Variants in MSH3 observed in about 807,000 individuals in gnomAD.
MSH3 encodes mutS homolog 3, also known as DNA mismatch repair protein Msh3.
A neutral mutation model predicts 123.3 loss-of-function variants in MSH3; 106 were observed. The ratio of observed to expected loss-of-function variants is 0.86; its 90% CI spans 0.73 to 1.01. The LOEUF (loss-of-function observed/expected upper bound fraction) is 1.01. Ranked by LOEUF, MSH3 falls within the 50% of genes least tolerant of loss-of-function variation. The pLI is 0.00. For synonymous variants in MSH3, 515 were observed against 481.4 expected (o/e 1.07, Z -0.91); for missense variants, 1,459 against 1,347.6 (o/e 1.08, Z -1.29).
At position 80,673,550 on chromosome 5, in the gene MSH3, A is replaced by C. The variant is rs189580150; in HGVS notation, c.1027+692A>C. On this transcript the variant is annotated intron_variant, in intron 6 of 23. Coordinates refer to ENST00000265081, the MANE Select transcript of MSH3 (RefSeq NM_002439.5). ...GTCTCAAACAAACAAACAAACAAAC[A>C]AACCAAAAATTCAAAATGTGAAAAG... 2.7e-3 allele frequency among the ~76,000 whole-genome samples: 405 copies of C among 152,216 alleles called. 7 individuals carry two copies. The highest frequency in any genetic ancestry group is 1.1e-3 in the Non-Finnish European group (75 of 68,028).
At chr5:80,778,557 A>G (rs1378379164) in intron 16 of MSH3, among the ~76,000 whole-genome samples, 163 bp from the exon 17 acceptor site, 2 of 152,226 alleles carry the variant, frequency 1.3e-5, no homozygotes, top group Non-Finnish European at 2.9e-5. Flanking sequence ...ATTCTTTGGA[A>G]TCAGTAGAGT....
chr5:80,841,957 G>T (rs1436538011), intron 20 of MSH3, among the ~76,000 whole-genome samples: 1 of 152,188 alleles, frequency 6.6e-6, no homozygotes, highest in Non-Finnish European at 1.5e-5. Flanking sequence ...TGCTTTTGGT[G>T]TTTTAGTCAT....
At chr5:80,690,693 T>C (rs1403416727) in intron 8 of MSH3, among the ~76,000 whole-genome samples, 1 of 152,196 alleles carries the variant, frequency 6.6e-6, no homozygotes, top group Non-Finnish European at 1.5e-5. Context: ...ATTACTAATG[T>C]GATCTTAAAC....
chr5:80,706,049 A>C (rs997023296), intron 8 of MSH3, among the ~76,000 whole-genome samples: 1 of 152,174 alleles, frequency 6.6e-6, no homozygotes. Context: ...AGATTTGTAG[A>C]TTTGAAAAGG....
intron 20 of MSH3, among the ~76,000 whole-genome samples, chr5:80,836,082 A>G (rs974331907): frequency 2.5e-4 from 38 of 152,296 alleles, no homozygotes; most frequent in African/African-American, 8.9e-4. Flanking sequence ...TATACATTAT[A>G]ATTTTATGTT....
rs1239653190 is a variant in MSH3, at chr5:80,679,070, C to T, written c.1317C>T (p.Leu439=). Residue 439 remains leucine, a synonymous_variant, in exon 8 of 24, where the codon CTC becomes CTT. Transcript: ENST00000265081. ...PSALSEQTEA[L]IHRATSVSVQ... is the part of the protein sequence containing the mutation. Reference sequence around the variant, plus strand: ...CCTTGTCCGAGCAAACAGAGGCGCTCATCCACAGAGCCACATCTGTTAGGT... The same window carrying T: ...CCTTGTCCGAGCAAACAGAGGCGCTTATCCACAGAGCCACATCTGTTAGGT... 1.2e-6 allele frequency: 2 copies of T among 1,613,926 alleles called. No individual in the cohort carries two copies. Among genetic ancestry groups the T allele is most frequent in the African/African-American group, 1.3e-5 (1 of 74,904 alleles).
chr5:80,738,786 AC>A (rs1229739631), intron 10 of MSH3, among the ~76,000 whole-genome samples: 2 of 152,330 alleles, frequency 1.3e-5, no homozygotes, highest in Admixed American at 1.3e-4. Context: ...ACATGTTGAA[AC>A]CTAATGACTA....
intron 9 of MSH3, among the ~76,000 whole-genome samples, chr5:80,726,514 C>T (rs1020894488): frequency 2.0e-5 from 3 of 152,078 alleles, no homozygotes; most frequent in Non-Finnish European, 4.4e-5. Context: ...TCACCCAGGC[C>T]GGAGTACAGT....
intron 8 of MSH3, among the ~76,000 whole-genome samples, chr5:80,712,181 A>G (rs929388357): frequency 2.6e-5 from 4 of 152,178 alleles, no homozygotes; most frequent in African/African-American, 9.7e-5. Flanking sequence ...CCCAGCCTCC[A>G]GGGTTCTAGT....
intron 8 of MSH3, among the ~76,000 whole-genome samples, chr5:80,720,565 C>T (rs1271079358): frequency 2.6e-5 from 4 of 151,956 alleles, no homozygotes; most frequent in Non-Finnish European, 5.9e-5. Flanking sequence ...TTCCTTTTGT[C>T]TCTAATTCCT....
intron 11 of MSH3, among the ~76,000 whole-genome samples, chr5:80,742,003 CT>C (rs565490803): frequency 8.6e-4 from 125 of 144,818 alleles, no homozygotes; most frequent in Middle Eastern, 3.6e-3. Context: ...TGCAAACTTT[CT>C]TTTTTTTTTT....
rs200068555 is a variant in MSH3 at position 80,656,542 on chromosome 5, G to C, written c.358+11G>C. On this transcript the variant is annotated intron_variant, in intron 2 of 23. Coordinates refer to ENST00000265081, the MANE Select transcript of MSH3 (RefSeq NM_002439.5). ...TGTCTGGCAACTCTGGTGAGTTGTG[G>C]GGGATTCTTTTTTCTCCTCAGTCAT... The C allele has an allele frequency of 1.2e-6, 2 of 1,614,016 alleles. No homozygotes were observed. The highest frequency in any genetic ancestry group is 1.7e-6 in the Non-Finnish European group (2 of 1,179,940).
At chr5:80,872,802 A>G (rs531104588) in intron 22 of MSH3, among the ~76,000 whole-genome samples, 3 of 152,338 alleles carry the variant, frequency 2.0e-5, no homozygotes, top group Non-Finnish European at 4.4e-5. Flanking sequence ...ACAAGACCCT[A>G]TCTCTAAAAA....
chr5:80,721,511 T>C (rs911919067), intron 8 of MSH3, among the ~76,000 whole-genome samples: 6 of 145,350 alleles, frequency 4.1e-5, no homozygotes, highest in African/African-American at 1.5e-4. Context: ...GTTGCTGTTT[T>C]GTGTTGTTTC....
chr5:80,858,819 T>C (rs1326667003), intron 21 of MSH3, among the ~76,000 whole-genome samples: 1 of 152,194 alleles, frequency 6.6e-6, no homozygotes, highest in Non-Finnish European at 1.5e-5. Context: ...TCTCTAACTA[T>C]AGTAGTATGT....
chr5:80,775,753 T>C lies in MSH3; in HGVS notation c.2313T>C (p.Val771=), dbSNP rs1744287021. 4 of 1,583,466 alleles carry C rather than the reference T, an allele frequency of 2.5e-6. No homozygotes were observed. The South Asian group carries it at 4.4e-5, about 18-fold the overall frequency. ...VSCIPTDWVK[V]GSTKAVSRFH... ...GTATACCAACTGATTGGGTAAAGGT[T>C]GGAAGGTAGGTTTAAAATAAATTTT... The change falls in exon 16 of 24, where the codon GTT becomes GTC. Residue 771 remains valine, a synonymous_variant. Transcript: ENST00000265081.
chr5:80,709,538 T>C (rs1248703556), intron 8 of MSH3, among the ~76,000 whole-genome samples: 9 of 151,996 alleles, frequency 5.9e-5, no homozygotes, highest in Admixed American at 2.0e-4. Context: ...AGGAGAATGG[T>C]GTGAACCCGG....
At chr5:80,758,950 G>T (rs1044822501) in intron 12 of MSH3, among the ~76,000 whole-genome samples, 9 of 152,104 alleles carry the variant, frequency 5.9e-5, no homozygotes, top group Non-Finnish European at 2.9e-5. Flanking sequence ...TTTCATTTAT[G>T]CAGGAGTGAG....
intron 10 of MSH3, among the ~76,000 whole-genome samples, chr5:80,736,973 A>G (rs1743520877): frequency 6.6e-6 from 1 of 152,136 alleles, no homozygotes; most frequent in Non-Finnish European, 1.5e-5. Flanking sequence ...TGTATATACC[A>G]TGAGTCATTG....
Sources: allele counts gnomAD v4.1 joint callset (sites outside exome capture counted in the v4.1 genomes callset), GRCh38; gene constraint gnomAD v4.1.1; transcripts MANE v1.5; gene names NCBI Gene and HGNC (gene_info 2026-07-23, HGNC 2026-07-21).